Variants in ANKRD44 observed in about 807,000 individuals in gnomAD.
ANKRD44 encodes ankyrin repeat domain 44, also known as serine/threonine-protein phosphatase 6 regulatory ankyrin repeat subunit B.
ANKRD44 carries 35 observed loss-of-function variants against 116.0 expected under a neutral mutation model. The observed-to-expected ratio is 0.30, with a 90% confidence interval of 0.23 to 0.40. ANKRD44 has a LOEUF of 0.40. Among genes scored for constraint, ANKRD44 ranks in the 10% least tolerant of loss-of-function variants. The pLI is 1.00. For missense variants in ANKRD44, 1,014 were observed against 1,242.6 expected, an observed-to-expected ratio of 0.82 and a Z score of 2.77; for synonymous variants, 435 against 461.8, an observed-to-expected ratio of 0.94 and a Z score of 0.74.
rs1312485872 is a variant in ANKRD44 at position 196,987,887 on chromosome 2, A to T, written c.*1704T>A. ...TGGTGCAAACATAATTTTATTTCTA[A>T]GAGATGTAATTAAAATACAGAAATG... is the stretch of plus-strand genomic sequence containing the variant. On this transcript the variant is annotated 3_prime_UTR_variant, in exon 28 of 28. Coordinates refer to ENST00000282272, the MANE Select transcript of ANKRD44 (RefSeq NM_001195144.2). The T allele has an allele frequency of 1.0e-6, 1 of 982,756 alleles. No individual in the cohort carries two copies. The highest frequency in any genetic ancestry group is 1.2e-6 in the Non-Finnish European group (1 of 827,622). 60.9% of individuals were successfully genotyped at this position (982,756 alleles called of 1,614,324 possible).
chr2:197,046,261 G>A (rs1170412279), intron 16 of ANKRD44, among the ~76,000 whole-genome samples: 3 of 152,098 alleles, frequency 2.0e-5, no homozygotes, highest in African/African-American at 7.2e-5. Flanking sequence ...GAATCTTTAT[G>A]AATATTCACG....
intron 1 of ANKRD44, among the ~76,000 whole-genome samples, chr2:197,234,573 A>T (rs376823818): frequency 1.3e-5 from 2 of 151,954 alleles, no homozygotes; most frequent in Admixed American, 6.6e-5. Flanking sequence ...GTTTTTTAAA[A>T]TTTTCTAGAT....
intron 1 of ANKRD44, among the ~76,000 whole-genome samples, chr2:197,218,333 C>T (rs924136516): frequency 4.6e-5 from 7 of 152,208 alleles, no homozygotes; most frequent in African/African-American, 1.4e-4. Flanking sequence ...CACCTACACC[C>T]CTCCATTCTC....
intron 3 of ANKRD44, among the ~76,000 whole-genome samples, chr2:197,139,648 GATATAT>G (rs58422226): frequency 4.0e-5 from 6 of 151,192 alleles, no homozygotes; most frequent in African/African-American, 1.2e-4. Flanking sequence ...TATAGATATA[GATATAT>G]ATATAGCAAA....
intron 1 of ANKRD44, among the ~76,000 whole-genome samples, chr2:197,209,218 T>C (rs909538462): frequency 6.6e-6 from 1 of 152,196 alleles, no homozygotes; most frequent in Non-Finnish European, 1.5e-5. Flanking sequence ...TCTGACTTCA[T>C]AGCAACTCTT....
chr2:197,279,813 AC>A, intron 1 of ANKRD44, among the ~76,000 whole-genome samples: 1 of 152,092 alleles, frequency 6.6e-6, no homozygotes, highest in East Asian at 1.9e-4. Flanking sequence ...CTAAACACAG[AC>A]CGCCCTGCAT....
chr2:197,305,095 C>T (rs759492027), intron 1 of ANKRD44, among the ~76,000 whole-genome samples: 2 of 152,088 alleles, frequency 1.3e-5, no homozygotes, highest in African/African-American at 2.4e-5. Flanking sequence ...GATTCTCAAA[C>T]GGATAAAAAT....
intron 1 of ANKRD44, among the ~76,000 whole-genome samples, chr2:197,291,339 G>A (rs945413909): frequency 4.6e-5 from 7 of 152,088 alleles, no homozygotes; most frequent in Non-Finnish European, 7.4e-5. Context: ...GTGAAATCCC[G>A]TCTCTGTTAA....
intron 8 of ANKRD44, among the ~76,000 whole-genome samples, chr2:197,114,265 A>T (rs890667048): frequency 6.6e-6 from 1 of 152,078 alleles, no homozygotes; most frequent in African/African-American, 2.4e-5. Flanking sequence ...TTTTATGAAA[A>T]TTTTTTTCTT....
chr2:197,282,757 G>A (rs185275124), intron 1 of ANKRD44, among the ~76,000 whole-genome samples: 28 of 152,212 alleles, frequency 1.8e-4, no homozygotes, highest in Non-Finnish European at 2.6e-4. Context: ...CCAGGAGTTC[G>A]GGACCAGCCT....
chr2:196,998,869 A>G (rs951039683), intron 24 of ANKRD44, 38 bp downstream of exon 24: 6 of 1,599,190 alleles, frequency 3.8e-6, no homozygotes, highest in African/African-American at 2.7e-5. Context: ...TGGTTTTTGC[A>G]TGGGCATAAG....
At chr2:197,179,296 T>C (rs1210043386) in intron 2 of ANKRD44, among the ~76,000 whole-genome samples, 1 of 152,222 alleles carries the variant, frequency 6.6e-6, no homozygotes, top group African/African-American at 2.4e-5. Flanking sequence ...TTTATTCTTC[T>C]AGATAAAGTT....
intron 1 of ANKRD44, among the ~76,000 whole-genome samples, chr2:197,246,655 T>C (rs2082200359): frequency 6.6e-6 from 1 of 152,110 alleles, no homozygotes; most frequent in South Asian, 2.1e-4. Context: ...CCTGTGTTGC[T>C]GCTAGATTTA....
intron 13 of ANKRD44, among the ~76,000 whole-genome samples, chr2:197,085,481 G>A (rs976158010): frequency 6.6e-6 from 1 of 152,144 alleles, no homozygotes; most frequent in South Asian, 2.1e-4. Flanking sequence ...ACAGGAGGTC[G>A]GCACAAGATA....
chr2:197,147,959 C>G (rs1383377933), intron 2 of ANKRD44: 5 of 428,172 alleles, frequency 1.2e-5, no homozygotes, highest in African/African-American at 2.0e-5. Context: ...ATAGCACAGT[C>G]AAGATCTGAC....
intron 2 of ANKRD44, among the ~76,000 whole-genome samples, chr2:197,181,417 G>T (rs973479295): frequency 6.6e-6 from 1 of 152,120 alleles, no homozygotes; most frequent in African/African-American, 2.4e-5. Context: ...TTTAAAAAAC[G>T]AAATAAACAT....
intron 1 of ANKRD44, among the ~76,000 whole-genome samples, chr2:197,222,930 A>G (rs1401225102): frequency 1.3e-5 from 2 of 151,936 alleles, no homozygotes; most frequent in Non-Finnish European, 2.9e-5. Context: ...CTCCTGCCTC[A>G]GCCTCCCAAG....
At chr2:197,162,882 G>C (rs1559115880) in intron 2 of ANKRD44, among the ~76,000 whole-genome samples, 1 of 152,256 alleles carries the variant, frequency 6.6e-6, no homozygotes, top group South Asian at 2.1e-4. Context: ...ATAGAAAGAA[G>C]TCTTAATGCA....
intron 2 of ANKRD44, among the ~76,000 whole-genome samples, chr2:197,183,723 C>T (rs996397775): frequency 2.0e-5 from 3 of 151,968 alleles, no homozygotes; most frequent in South Asian, 4.1e-4. Flanking sequence ...CTGTGGATCC[C>T]AAAAAGTGGT....
Sources: allele counts gnomAD v4.1 joint callset (sites outside exome capture counted in the v4.1 genomes callset), GRCh38; gene constraint gnomAD v4.1.1; transcripts MANE v1.5; gene names NCBI Gene and HGNC (gene_info 2026-07-23, HGNC 2026-07-21).